Variants in FNDC3B observed in about 807,000 individuals in gnomAD.
The protein encoded by FNDC3B is fibronectin type III domain containing 3B.
A neutral mutation model predicts 151.5 loss-of-function variants in FNDC3B; 12 were observed. The ratio of observed to expected loss-of-function variants is 0.08; its 90% CI spans 0.05 to 0.13. FNDC3B has a LOEUF of 0.13. Among genes scored for constraint, FNDC3B ranks in the 10% least tolerant of loss-of-function variants. The probability of loss-of-function intolerance (pLI) is 1.00; values close to 1 mark genes in which losing one functional copy is unlikely to be tolerated. For missense variants in FNDC3B, 1,214 were observed against 1,505.3 expected (o/e 0.81, Z 3.20); for synonymous variants, 528 against 549.0 (o/e 0.96, Z 0.54).
chr3:172,319,420 G>A (rs1731973699), intron 11 of FNDC3B, among the ~76,000 whole-genome samples: 1 of 152,174 alleles, frequency 6.6e-6, no homozygotes, highest in African/African-American at 2.4e-5. Context: ...TTCTTTGTGT[G>A]TTTGTTTAAA....
At chr3:172,366,755 T>C (rs1349069560) in intron 23 of FNDC3B, among the ~76,000 whole-genome samples, 5 of 152,266 alleles carry the variant, frequency 3.3e-5, no homozygotes, top group East Asian at 3.9e-4. Context: ...AATGAACACT[T>C]CTTAGAAAAG....
In FNDC3B at chr3:172,205,389, G is replaced by T. The variant is rs1725371214; in HGVS notation, c.188-21482G>T. On this transcript the variant is annotated intron_variant, in intron 3 of 25. Coordinates refer to ENST00000415807, the MANE Select transcript of FNDC3B (RefSeq NM_022763.4). Reference sequence around the variant, plus strand: ...CAGCTGGGAAGCCAACCATGTGCCAGGTACTCTTCTAAGTATTTTATATAT... The same window carrying T: ...CAGCTGGGAAGCCAACCATGTGCCATGTACTCTTCTAAGTATTTTATATAT... Among the ~76,000 whole-genome samples, 5 of 152,160 alleles carry T rather than the reference G, an allele frequency of 3.3e-5. No homozygotes were observed. In the South Asian group the frequency reaches 1.0e-3, roughly 32 times the overall value.
chr3:172,208,976 G>C (rs915648340), intron 3 of FNDC3B, among the ~76,000 whole-genome samples: 18 of 152,116 alleles, frequency 1.2e-4, no homozygotes, highest in Non-Finnish European at 2.1e-4. Context: ...ACACAGTGGC[G>C]CCTGAAAGCT....
intron 23 of FNDC3B, among the ~76,000 whole-genome samples, chr3:172,365,090 C>T (rs568927371): frequency 6.6e-6 from 1 of 152,242 alleles, no homozygotes; most frequent in Non-Finnish European, 1.5e-5. Flanking sequence ...TGAATTCAAG[C>T]CTTTAACTTT....
chr3:172,248,530 A>G (rs1417726818), intron 5 of FNDC3B, among the ~76,000 whole-genome samples: 1 of 152,146 alleles, frequency 6.6e-6, no homozygotes, highest in African/African-American at 2.4e-5. Flanking sequence ...TTTAGCCTCT[A>G]GGACTTTGCA....
chr3:172,204,657 A>G (rs942810322), intron 3 of FNDC3B, among the ~76,000 whole-genome samples: 2 of 152,224 alleles, frequency 1.3e-5, no homozygotes, highest in Non-Finnish European at 2.9e-5. Flanking sequence ...CCTATTGTAT[A>G]TGAAAGGGTG....
chr3:172,168,762 G>A (rs560944541), intron 3 of FNDC3B, among the ~76,000 whole-genome samples: 1 of 148,218 alleles, frequency 6.7e-6, no homozygotes, highest in African/African-American at 2.5e-5. Context: ...ACTCAGGCTG[G>A]AGTGCAGTGG....
At chr3:172,388,796 G>A (rs73880158) in intron 25 of FNDC3B, among the ~76,000 whole-genome samples, 224 of 152,300 alleles carry the variant, frequency 1.5e-3, no homozygotes, top group African/African-American at 5.2e-3. Flanking sequence ...CTGGCACCAA[G>A]CATTTGTCCT....
chr3:172,182,106 GT>G (rs1204452140), intron 3 of FNDC3B, among the ~76,000 whole-genome samples: 3 of 152,174 alleles, frequency 2.0e-5, no homozygotes, highest in African/African-American at 7.2e-5. Context: ...GCATTGAGTT[GT>G]TTTTGCACTT....
At chr3:172,134,246 T>C (rs1424749373) in intron 3 of FNDC3B, 2 of 455,470 alleles carry the variant, frequency 4.4e-6, no homozygotes, top group Non-Finnish European at 8.9e-6. Context: ...GTGTGTATAC[T>C]AATGCCTCTT....
chr3:172,140,346 C>T (rs1180567109), intron 3 of FNDC3B, among the ~76,000 whole-genome samples: 1 of 152,136 alleles, frequency 6.6e-6, no homozygotes, highest in African/African-American at 2.4e-5. Context: ...GACGATTTTT[C>T]CATTTTCCAT....
chr3:172,300,474 T>TA (rs1262865248), intron 9 of FNDC3B, among the ~76,000 whole-genome samples: 9 of 152,082 alleles, frequency 5.9e-5, no homozygotes, highest in Middle Eastern at 3.4e-3. Flanking sequence ...ATTTTTTTTT[T>TA]AAACCCTTAT....
chr3:172,197,337 G>A (rs1724890262), intron 3 of FNDC3B, among the ~76,000 whole-genome samples: 1 of 152,130 alleles, frequency 6.6e-6, no homozygotes. Flanking sequence ...AATTTGAATA[G>A]CACAGAGAAC....
Position 172,260,351 on chromosome 3 carries a change from G to C in FNDC3B, c.790+8810G>C, listed in dbSNP as rs567693377. On this transcript the variant is annotated intron_variant, in intron 6 of 25. Transcript: ENST00000415807. ...ACTAGTTGGGACCTTGCAGATCTTG[G>C]TTTAGTCTCAATTCAGCCACTTGGG... Among the ~76,000 whole-genome samples the C allele has an allele frequency of 3.7e-4, 57 of 152,368 alleles. No individual in the cohort carries two copies. The Middle Eastern group carries it at 0.014, about 36-fold the overall frequency.
chr3:172,282,162 C>T lies in FNDC3B; in HGVS notation c.791-3764C>T, dbSNP rs547348724. 4.6e-5 allele frequency among the ~76,000 whole-genome samples: 7 copies of T among 152,220 alleles called. No homozygotes were observed. In the East Asian group the frequency reaches 7.7e-4, roughly 17 times the overall value. On this transcript the variant is annotated intron_variant, in intron 6 of 25. Transcript: ENST00000415807. ...TGTTAGCTTTCGTACAAGAGTTGAT[C>T]GTTTATGTGGGAAGTAACTGTCACT...
intron 4 of FNDC3B, among the ~76,000 whole-genome samples, chr3:172,228,849 AT>A (rs1726727684): frequency 6.6e-6 from 1 of 152,182 alleles, no homozygotes; most frequent in Non-Finnish European, 1.5e-5. Flanking sequence ...CCGTGATAGT[AT>A]TATGTCTTTT....
rs529683233 is a variant in FNDC3B at position 172,285,815 on chromosome 3, C to T, written c.791-111C>T. On this transcript the variant is annotated intron_variant, in intron 6 of 25. Coordinates refer to ENST00000415807, the MANE Select transcript of FNDC3B (RefSeq NM_022763.4). ...TTGTAATATCAAAAATTCATGATAA[C>T]AGGCAACTGATTTAATGATAACTCC... 21 of 743,384 alleles carry T rather than the reference C, an allele frequency of 2.8e-5. No homozygotes were observed. The South Asian group carries it at 3.3e-4, about 12-fold the overall frequency. The allele number at this position is 743,384 out of a possible 1,614,324, so 46.0% of individuals were successfully genotyped here.
chr3:172,047,470 T>C (rs1716421004), intron 1 of FNDC3B, among the ~76,000 whole-genome samples: 1 of 152,206 alleles, frequency 6.6e-6, no homozygotes, highest in Admixed American at 6.5e-5. Flanking sequence ...GAGGAATATT[T>C]ACCTAATTAA....
chr3:172,230,013 A>G (rs1037819412), intron 4 of FNDC3B, among the ~76,000 whole-genome samples: 2 of 152,238 alleles, frequency 1.3e-5, no homozygotes, highest in Non-Finnish European at 2.9e-5. Context: ...AAATTAACTC[A>G]AAATGGACTA....
Sources: gnomAD v4.1 joint callset for allele counts (sites outside exome capture counted in the v4.1 genomes callset) on GRCh38, gnomAD v4.1.1 for gene constraint, MANE v1.5 for transcripts, NCBI Gene and HGNC (gene_info 2026-07-23, HGNC 2026-07-21) for gene names.